The following RBFOX1 variants were observed in gnomAD, a reference collection of about 807,000 sequenced individuals.
The protein encoded by RBFOX1 is RNA binding fox-1 homolog 1.
Under a neutral mutation model 57.7 loss-of-function variants are expected in RBFOX1, and 8 were observed. That is an observed-to-expected ratio of 0.14 (90% confidence interval 0.08 to 0.25). The LOEUF (loss-of-function observed/expected upper bound fraction) is 0.25. RBFOX1 is among the 10% of genes least tolerant of loss of function. RBFOX1 has a pLI of 1.00. For missense variants in RBFOX1, 611 were observed against 548.5 expected, an observed-to-expected ratio of 1.11 and a Z score of -1.14; for synonymous variants, 326 against 222.4, an observed-to-expected ratio of 1.47 and a Z score of -4.15.
intron 2 of RBFOX1, chr16:6,483,804 G>C: frequency 7.3e-7 from 1 of 1,368,536 alleles, no homozygotes; most frequent in Non-Finnish European, 9.4e-7. Flanking sequence ...CGGCGTGTGC[G>C]CCTCCGGGGC....
chr16:6,889,348 C>T (rs2064882532), intron 3 of RBFOX1, among the ~76,000 whole-genome samples: 1 of 152,130 alleles, frequency 6.6e-6, no homozygotes, highest in African/African-American at 2.4e-5. Flanking sequence ...TATGCATGTG[C>T]CTCATTTTGC....
intron 5 of RBFOX1, among the ~76,000 whole-genome samples, chr16:7,523,494 C>T (rs2077970906): frequency 6.6e-6 from 1 of 152,100 alleles, no homozygotes; most frequent in African/African-American, 2.4e-5. Context: ...TAGATAATTC[C>T]TAGAGTATTT....
intron 4 of RBFOX1, among the ~76,000 whole-genome samples, chr16:7,196,674 A>G (rs56240848): frequency 0.099 from 14,997 of 151,908 alleles, 814 homozygotes; most frequent in Non-Finnish European, 0.11. Flanking sequence ...GTGTATAACT[A>G]TAAGTAAAAT....
At chr16:6,766,539 G>T (rs1248767320) in intron 3 of RBFOX1, among the ~76,000 whole-genome samples, 1 of 151,864 alleles carries the variant, frequency 6.6e-6, no homozygotes. Flanking sequence ...AGAACTTTCT[G>T]CAATGACACC....
intron 1 of RBFOX1, among the ~76,000 whole-genome samples, chr16:5,324,624 G>A (rs1428952403): frequency 6.6e-6 from 1 of 152,196 alleles, no homozygotes; most frequent in Non-Finnish European, 1.5e-5. Context: ...ATGTTACGCA[G>A]CCATACAAAG....
intron 3 of RBFOX1, among the ~76,000 whole-genome samples, chr16:5,819,500 C>A (rs540557412): frequency 1.3e-5 from 2 of 152,328 alleles, no homozygotes; most frequent in East Asian, 3.9e-4. Context: ...TTCTATGAAA[C>A]CCTACAGAGG....
At position 6,793,651 on chromosome 16, in the gene RBFOX1, C is replaced by G. The variant is rs149041935; in HGVS notation, c.-16+139001C>G. On this transcript the variant is annotated intron_variant, in intron 3 of 15. Coordinates refer to ENST00000550418, the MANE Select transcript of RBFOX1 (RefSeq NM_018723.4). ...TTAAGCAAAAAAAGAAATCTTGAGC[C>G]AAAGTATTATAACTTGCTCTGTAGG... Among the ~76,000 whole-genome samples, 175 of 152,218 alleles carry G rather than the reference C, an allele frequency of 1.1e-3. 3 individuals carry two copies. The highest frequency in any genetic ancestry group is 3.3e-3 in the African/African-American group (139 of 41,526).
chr16:5,782,288 C>G (rs980836970), intron 3 of RBFOX1, among the ~76,000 whole-genome samples: 2 of 152,144 alleles, frequency 1.3e-5, no homozygotes, highest in Non-Finnish European at 2.9e-5. Flanking sequence ...CTGATGAGGT[C>G]CCAGTCTGCA....
intron 3 of RBFOX1, among the ~76,000 whole-genome samples, chr16:6,918,561 CATTTAA>C (rs1240176791): frequency 6.6e-6 from 1 of 152,126 alleles, no homozygotes; most frequent in Admixed American, 6.6e-5. Context: ...CCAGAGGCAT[CATTTAA>C]AGAATAAGTA....
chr16:5,612,209 A>ACC (rs2047845978), intron 3 of RBFOX1, among the ~76,000 whole-genome samples: 2 of 57,790 alleles, frequency 3.5e-5, no homozygotes, highest in Admixed American at 2.0e-4. Flanking sequence ...TCTCCCCTCC[A>ACC]CTCTCATTCA....
chr16:7,011,959 C>T (rs569910997), intron 3 of RBFOX1, among the ~76,000 whole-genome samples: 46 of 152,328 alleles, frequency 3.0e-4, no homozygotes, highest in Non-Finnish European at 5.6e-4. Context: ...TTCATTAATC[C>T]TCTGACATTG....
At chr16:6,020,178 C>G (rs141651044) in intron 1 of RBFOX1, among the ~76,000 whole-genome samples, 186 bp downstream of exon 1, 5 of 152,050 alleles carry the variant, frequency 3.3e-5, no homozygotes, top group African/African-American at 1.2e-4. Flanking sequence ...CCCCCTACCC[C>G]CAGGAGGCCG....
intron 2 of RBFOX1, among the ~76,000 whole-genome samples, chr16:6,587,732 C>G (rs950966980): frequency 6.6e-5 from 10 of 152,194 alleles, no homozygotes; most frequent in African/African-American, 2.4e-4. Context: ...CCTCAACCCT[C>G]TTTTTACATA....
In RBFOX1 at chr16:7,710,895, T is replaced by G; in HGVS notation, c.*150T>G. 1 of 831,584 alleles carries G rather than the reference T, an allele frequency of 1.2e-6. No individual in the cohort carries two copies. 51.5% of individuals were successfully genotyped at this position (831,584 alleles called of 1,614,324 possible). On this transcript the variant is annotated 3_prime_UTR_variant, in exon 16 of 16. Coordinates refer to ENST00000550418, the MANE Select transcript of RBFOX1 (RefSeq NM_018723.4). ...AGGAAAAAAAATTACATTTTTTATC[T>G]TATACCTCAGATATTTTGTTCTGTG...
chr16:6,545,088 T>C (rs1396121860), intron 2 of RBFOX1, among the ~76,000 whole-genome samples: 1 of 152,126 alleles, frequency 6.6e-6, no homozygotes, highest in Non-Finnish European at 1.5e-5. Context: ...ATAAAAGTAA[T>C]AACAATGGCT....
At chr16:6,476,998 A>G (rs2095283619) in intron 2 of RBFOX1, among the ~76,000 whole-genome samples, 2 of 152,198 alleles carry the variant, frequency 1.3e-5, no homozygotes. Flanking sequence ...CTCATCTGTT[A>G]AAGTTTTATC....
intron 4 of RBFOX1, among the ~76,000 whole-genome samples, chr16:7,372,625 C>T (rs2097589174): frequency 6.6e-6 from 1 of 152,184 alleles, no homozygotes; most frequent in Non-Finnish European, 1.5e-5. Context: ...CTGCTAAGTG[C>T]ACAGAATGGT....
intron 2 of RBFOX1, among the ~76,000 whole-genome samples, chr16:5,486,929 G>A (rs920056621): frequency 3.9e-5 from 6 of 152,166 alleles, no homozygotes; most frequent in African/African-American, 1.2e-4. Context: ...TCTCAGACCT[G>A]ATTCCCTTCT....
At chr16:6,249,401 T>C (rs1163766962) in intron 1 of RBFOX1, among the ~76,000 whole-genome samples, 1 of 152,164 alleles carries the variant, frequency 6.6e-6, no homozygotes, top group African/African-American at 2.4e-5. Context: ...TTTGGGTGCC[T>C]GTAATCCCAG....
Sources: gnomAD v4.1 joint callset for allele counts (sites outside exome capture counted in the v4.1 genomes callset) on GRCh38, gnomAD v4.1.1 for gene constraint, MANE v1.5 for transcripts, NCBI Gene and HGNC (gene_info 2026-07-23, HGNC 2026-07-21) for gene names.